Variants in INTS6L observed in about 807,000 individuals in gnomAD.
The protein encoded by INTS6L is integrator complex subunit 6-like.
Under a neutral mutation model 64.7 loss-of-function variants are expected in INTS6L, and 18 were observed. The ratio of observed to expected loss-of-function variants is 0.28; its 90% CI spans 0.19 to 0.41. The LOEUF is 0.41. Ranked by LOEUF, INTS6L falls within the 10% of genes least tolerant of loss-of-function variation. INTS6L has a pLI of 1.00. For synonymous variants in INTS6L, 227 were observed against 235.9 expected (o/e 0.96, Z 0.34); for missense variants, 533 against 661.0 (o/e 0.81, Z 2.12).
chrX:135,531,020 A>G (rs782689463), intron 2 of INTS6L, among the ~76,000 whole-genome samples: 2 of 112,399 alleles, frequency 1.8e-5, no homozygotes, highest in Admixed American at 1.9e-4. Context: ...ACCAGGAGCC[A>G]AACACAGGAT....
At chrX:135,524,999 C>T (rs1475590658) in intron 2 of INTS6L, among the ~76,000 whole-genome samples, 2 of 112,187 alleles carry the variant, frequency 1.8e-5, no homozygotes, top group Non-Finnish European at 3.8e-5. Flanking sequence ...ACCTTTATAC[C>T]GTGGTATCTT....
rs1556533520 is a variant in INTS6L, at chrX:135,580,007, A to G, written c.2339A>G (p.Lys780Arg). 1.3e-5 allele frequency: 16 copies of G among 1,210,605 alleles called. No homozygotes were observed. Among genetic ancestry groups the G allele is most frequent in the Non-Finnish European group, 1.8e-5 (16 of 895,399 alleles). ...AGTAACGCATTTGTAGGAGGAGCCA[A>G]AAACTGCAGTCTCTCCGTAGATGAC... The part of the protein sequence containing the change: ...PGSNAFVGGA[K>R]NCSLSVDDQK... Residue 780 changes from lysine to arginine, a missense_variant, in exon 16 of 18, where the codon AAA (lysine) becomes AGA (arginine). By Grantham distance (26) the Lys-to-Arg change is conservative. Transcript: ENST00000639893.
In INTS6L at chrX:135,577,480, A is replaced by G. The variant is rs782158041; in HGVS notation, c.2119+53A>G. ...ATGGCTCCTAGAGGACTAAGACGCT[A>G]AACAATTTTATTTCCCTTTTTGTGT... is the stretch of plus-strand genomic sequence containing the variant. On this transcript the variant is annotated intron_variant, in intron 15 of 17. Coordinates refer to ENST00000639893, the MANE Select transcript of INTS6L (RefSeq NM_001351601.3). 829 of 1,096,714 alleles carry G rather than the reference A, an allele frequency of 7.6e-4. 1 individual carries two copies. Among genetic ancestry groups the G allele is most frequent in the Non-Finnish European group, 1.0e-3 (809 of 803,612 alleles). 90.4% of individuals were successfully genotyped at this position (1,096,714 alleles called of 1,213,427 possible).
chrX:135,581,717 TTTGAGTCAA>T lies in INTS6L; in HGVS notation c.*82_*90del. On this transcript the variant is annotated 3_prime_UTR_variant, in exon 18 of 18. Coordinates refer to ENST00000639893, the MANE Select transcript of INTS6L (RefSeq NM_001351601.3). ...GATATTGTTGAAGCCTCCTGGAATG[TTTGAGTCAA>T]GGGAATTGCTTTCCAGATGCTAAGA... The T allele has an allele frequency of 1.2e-6, 1 of 837,419 alleles. No homozygotes were observed. The highest frequency in any genetic ancestry group is 1.7e-6 in the Non-Finnish European group (1 of 582,735). The allele number at this position is 837,419 out of a possible 1,213,427, so 69.0% of individuals were successfully genotyped here. A position where few individuals can be genotyped will look rare whatever the true frequency, so the allele number is the denominator to read the frequency against.
At chrX:135,567,948 G>A (rs2086995067) in intron 9 of INTS6L, among the ~76,000 whole-genome samples, 1 of 111,169 alleles carries the variant, frequency 9.0e-6, no homozygotes, top group Non-Finnish European at 1.9e-5. Context: ...TCAAAGAATA[G>A]CCCTATTTGT....
chrX:135,522,570 T>G (rs1556498264), intron 2 of INTS6L, among the ~76,000 whole-genome samples: 1 of 112,010 alleles, frequency 8.9e-6, no homozygotes, highest in Admixed American at 9.4e-5. Flanking sequence ...AGGCTTTTTC[T>G]TTTTTCCTCA....
chrX:135,560,497 A>G (rs188917596), intron 9 of INTS6L, among the ~76,000 whole-genome samples: 1 of 112,087 alleles, frequency 8.9e-6, no homozygotes, highest in Non-Finnish European at 1.9e-5. Flanking sequence ...ACAACTATGC[A>G]CTATTCATTC....
intron 6 of INTS6L, 64 bp from the exon 7 acceptor site, chrX:135,549,578 A>G: frequency 2.7e-6 from 3 of 1,121,087 alleles, no homozygotes; most frequent in Non-Finnish European, 3.6e-6. Context: ...GAAAATTTGT[A>G]CAAGAAGATC....
chrX:135,574,961 C>T (rs1556530020), intron 13 of INTS6L, 123 bp from the exon 14 acceptor site: 3 of 695,515 alleles, frequency 4.3e-6, no homozygotes, highest in South Asian at 3.0e-5. Context: ...ATGCTAGATT[C>T]GAGACTTTAA....
chrX:135,563,619 A>G (rs181481738), intron 9 of INTS6L, among the ~76,000 whole-genome samples: 244 of 12,259 alleles, frequency 0.02, 3 homozygotes, highest in Middle Eastern at 0.12. Context: ...ATATATCCAT[A>G]TGTGTGTGTG....
chrX:135,522,353 G>T (rs1046548019), intron 2 of INTS6L, among the ~76,000 whole-genome samples: 14 of 111,774 alleles, frequency 1.3e-4, no homozygotes, highest in Non-Finnish European at 2.6e-4. Context: ...CAAGTTCGAT[G>T]ATTTGATTCT....
At chrX:135,564,668 G>A (rs2086886995) in intron 9 of INTS6L, among the ~76,000 whole-genome samples, 1 of 107,354 alleles carries the variant, frequency 9.3e-6, no homozygotes, top group African/African-American at 3.4e-5. Flanking sequence ...GGAGACAAAG[G>A]TTGTAGTGAG....
chrX:135,556,933 G>A (rs1372130136), intron 9 of INTS6L, among the ~76,000 whole-genome samples: 1 of 111,571 alleles, frequency 9.0e-6, no homozygotes, highest in Non-Finnish European at 1.9e-5. Flanking sequence ...TTTATTTCGT[G>A]GAGTTTCTTA....
intron 2 of INTS6L, among the ~76,000 whole-genome samples, chrX:135,523,160 G>T (rs2085633937): frequency 9.0e-6 from 1 of 110,970 alleles, no homozygotes; most frequent in Admixed American, 9.5e-5. Flanking sequence ...CGAGATGGGC[G>T]GATTGCCTGA....
At chrX:135,533,128 A>G (rs1293166347) in intron 2 of INTS6L, among the ~76,000 whole-genome samples, 11 of 111,903 alleles carry the variant, frequency 9.8e-5, no homozygotes, top group African/African-American at 3.6e-4. Context: ...ATTTTAGAAA[A>G]CAGGTCCTGG....
chrX:135,579,795 T>C lies in INTS6L; in HGVS notation c.2127T>C (p.Thr709=). 1.7e-6 allele frequency: 2 copies of C among 1,182,911 alleles called. No homozygotes were observed. The highest frequency in any genetic ancestry group is 1.9e-5 in the South Asian group (1 of 51,674). ...IKPTLVHTDA[T]IIHDGHEEKM... ...TCTTCATTTGGTTTCCAGATGCTAC[T>C]ATCATTCACGATGGCCATGAGGAGA... is the stretch of plus-strand genomic sequence containing the variant. Residue 709 remains threonine, a synonymous_variant, in exon 16 of 18, where the codon ACT becomes ACC. Transcript: ENST00000639893.
At chrX:135,575,368 G>C in intron 14 of INTS6L, 142 bp downstream of exon 14, 5 of 727,134 alleles carry the variant, frequency 6.9e-6, no homozygotes, top group Non-Finnish European at 9.7e-6. Context: ...CTCTTAGTGG[G>C]AGCCTCCTGA....
intron 2 of INTS6L, among the ~76,000 whole-genome samples, chrX:135,543,217 C>G (rs2086267862): frequency 9.0e-6 from 1 of 111,503 alleles, no homozygotes; most frequent in African/African-American, 3.3e-5. Flanking sequence ...GATTTAAAAC[C>G]TTGAGTTCTT....
chrX:135,581,447 G>T, intron 17 of INTS6L, 81 bp from the exon 18 acceptor site: 3 of 727,245 alleles, frequency 4.1e-6, no homozygotes, highest in South Asian at 5.3e-5. Context: ...TGTAAGCTTC[G>T]ATTTGTATCC....
Sources: gnomAD v4.1 joint callset for allele counts (sites outside exome capture counted in the v4.1 genomes callset) on GRCh38, gnomAD v4.1.1 for gene constraint, MANE v1.5 for transcripts, NCBI Gene and HGNC (gene_info 2026-07-23, HGNC 2026-07-21) for gene names.